Variants in LDB2 observed in about 807,000 individuals in gnomAD.
LDB2 encodes the protein LIM domain binding 2.
LDB2 carries 12 observed loss-of-function variants against 44.3 expected under a neutral mutation model. The ratio of observed to expected loss-of-function variants is 0.27; its 90% CI spans 0.17 to 0.44. LDB2 has a LOEUF of 0.44. Among genes scored for constraint, LDB2 ranks in the 20% least tolerant of loss-of-function variants. The pLI, the probability that LDB2 is intolerant of heterozygous loss-of-function variation, is 1.00. For synonymous variants in LDB2, 164 were observed against 174.8 expected (o/e 0.94, Z 0.49); for missense variants, 344 against 473.5 (o/e 0.73, Z 2.54).
chr4:16,664,907 C>A (rs989761324), intron 2 of LDB2, among the ~76,000 whole-genome samples: 1 of 152,208 alleles, frequency 6.6e-6, no homozygotes. Flanking sequence ...AGAAAACACA[C>A]AGGAACCTCC....
chr4:16,743,003 G>T (rs143456567), intron 2 of LDB2, among the ~76,000 whole-genome samples: 131 of 152,218 alleles, frequency 8.6e-4, no homozygotes, highest in African/African-American at 3.1e-3. Context: ...GAAGATGCTT[G>T]TCAGGGCCAG....
rs1046449441 is a variant in LDB2 at position 16,533,431 on chromosome 4, G to A, written c.616-21327C>T. Among the ~76,000 whole-genome samples the A allele has an allele frequency of 6.6e-6, 1 of 152,150 alleles. No homozygotes were observed. The highest frequency in any genetic ancestry group is 1.5e-5 in the Non-Finnish European group (1 of 68,028). ...CAAGTATCTACACATACAAGAAATC[G>A]CAAACTTCAGAGCCCTGGTTGCTGA... On this transcript the variant is annotated intron_variant, in intron 5 of 7. Coordinates refer to ENST00000304523, the MANE Select transcript of LDB2 (RefSeq NM_001290.5). This position sits in a 1 kb window ranked among gnomAD's most constrained non-coding sequence, Gnocchi z 4.1.
chr4:16,790,688 G>A (rs962540119), intron 1 of LDB2, among the ~76,000 whole-genome samples: 3 of 152,132 alleles, frequency 2.0e-5, no homozygotes, highest in Admixed American at 6.5e-5. Flanking sequence ...CTCGATAACC[G>A]GGATGAAAGT....
At chr4:16,590,633 A>G (rs1360443013) in intron 3 of LDB2, among the ~76,000 whole-genome samples, 1 of 152,220 alleles carries the variant, frequency 6.6e-6, no homozygotes, top group East Asian at 1.9e-4. Context: ...CTCGAGAAAG[A>G]TGCTGTTAAC....
chr4:16,590,395 T>C (rs1249623455), intron 3 of LDB2, among the ~76,000 whole-genome samples: 1 of 152,222 alleles, frequency 6.6e-6, no homozygotes, highest in Non-Finnish European at 1.5e-5. Flanking sequence ...TTTGTAAAAC[T>C]ATAGTCCACG....
At chr4:16,535,633 G>A (rs79528861) in intron 5 of LDB2, among the ~76,000 whole-genome samples, 8,901 of 152,210 alleles carry the variant, frequency 0.058, 348 homozygotes, top group South Asian at 0.13. Flanking sequence ...CTTCCTGGGA[G>A]AAAAACATAT....
intron 1 of LDB2, among the ~76,000 whole-genome samples, chr4:16,774,105 A>G (rs1771337068): frequency 6.6e-6 from 1 of 150,436 alleles, no homozygotes; most frequent in African/African-American, 2.5e-5. Flanking sequence ...CAGTGAGCCA[A>G]GATCACGCCA....
intron 2 of LDB2, among the ~76,000 whole-genome samples, chr4:16,681,823 G>C (rs1044812876): frequency 6.6e-6 from 1 of 151,686 alleles, no homozygotes; most frequent in Non-Finnish European, 1.5e-5. Context: ...TGCCCGCCTT[G>C]GCCTCCCAAA....
At chr4:16,511,528 TC>T (rs1247793015) in intron 6 of LDB2, among the ~76,000 whole-genome samples, 2 of 152,160 alleles carry the variant, frequency 1.3e-5, no homozygotes, top group Non-Finnish European at 2.9e-5. Context: ...CTTCTTTCCA[TC>T]CCTTCTTTTT....
chr4:16,505,960 C>G, intron 7 of LDB2: 1 of 1,551,716 alleles, frequency 6.4e-7, no homozygotes, highest in East Asian at 2.4e-5. Context: ...GTTGAGGCTG[C>G]AGTTCGGGAT....
At chr4:16,625,495 A>ATCTC (rs1185197755) in intron 2 of LDB2, among the ~76,000 whole-genome samples, 2 of 152,172 alleles carry the variant, frequency 1.3e-5, no homozygotes, top group Admixed American at 1.3e-4. Context: ...TCATTGCTGT[A>ATCTC]TCTCCACAAT....
At chr4:16,507,484 G>A (rs944989774) in intron 7 of LDB2, among the ~76,000 whole-genome samples, 1 of 152,120 alleles carries the variant, frequency 6.6e-6, no homozygotes, top group Non-Finnish European at 1.5e-5. Flanking sequence ...ACATGGAAGC[G>A]ATGGAGCAGG....
intron 1 of LDB2, among the ~76,000 whole-genome samples, chr4:16,884,177 C>T (rs6812448): frequency 0.089 from 13,495 of 152,168 alleles, 763 homozygotes; most frequent in African/African-American, 0.16. Context: ...TTAGCTCCCT[C>T]GGCCCAATAG....
chr4:16,735,873 G>A lies in LDB2; in HGVS notation c.235+23285C>T, dbSNP rs141038550. Among the ~76,000 whole-genome samples, 149 of 152,306 alleles carry A rather than the reference G, an allele frequency of 9.8e-4. 6 individuals carry two copies. The East Asian group carries it at 0.019, about 20-fold the overall frequency. ...GAGAAACTGTCATAGACCGGAAGTC[G>A]CTGTTGGAGATGTCATAGTCAATGC... On this transcript the variant is annotated intron_variant, in intron 2 of 7. Transcript: ENST00000304523.
At chr4:16,576,019 C>T (rs1013293205) in intron 5 of LDB2, among the ~76,000 whole-genome samples, 1 of 152,134 alleles carries the variant, frequency 6.6e-6, no homozygotes, top group Non-Finnish European at 1.5e-5. Context: ...AGATTACAGG[C>T]GTGAGCCAGA....
At chr4:16,719,442 G>T (rs1757776098) in intron 2 of LDB2, among the ~76,000 whole-genome samples, 1 of 151,996 alleles carries the variant, frequency 6.6e-6, no homozygotes, top group Admixed American at 6.6e-5. Context: ...CCATCCCTTT[G>T]ACGCTTGTTC....
At chr4:16,883,788 G>A (rs930246295) in intron 1 of LDB2, among the ~76,000 whole-genome samples, 4 of 152,236 alleles carry the variant, frequency 2.6e-5, no homozygotes, top group Non-Finnish European at 1.5e-5. Flanking sequence ...GAAAACTCAA[G>A]ACTAGAGGCC....
At chr4:16,809,863 G>C (rs2109838291) in intron 1 of LDB2, among the ~76,000 whole-genome samples, 1 of 152,288 alleles carries the variant, frequency 6.6e-6, no homozygotes, top group African/African-American at 2.4e-5. Flanking sequence ...ATAGCAGGAT[G>C]GCTTTGAAGG....
At chr4:16,595,209 T>G (rs1290412629) in intron 3 of LDB2, among the ~76,000 whole-genome samples, 1 of 152,150 alleles carries the variant, frequency 6.6e-6, no homozygotes, top group Non-Finnish European at 1.5e-5. Flanking sequence ...CAGCTGCTTG[T>G]TGAATTCCCT....
Sources: allele counts gnomAD v4.1 joint callset (sites outside exome capture counted in the v4.1 genomes callset), GRCh38; gene constraint gnomAD v4.1.1; non-coding constraint Gnocchi (gnomAD v3.1); transcripts MANE v1.5; gene names NCBI Gene and HGNC (gene_info 2026-07-23, HGNC 2026-07-21).